The following ROBO2 variants were observed in gnomAD, a reference collection of about 807,000 sequenced individuals.
The protein encoded by ROBO2 is roundabout guidance receptor 2, also known as roundabout homolog 2.
In ROBO2, 53 loss-of-function variants were observed where a neutral mutation model predicts 160.8. The observed-to-expected ratio is 0.33, with a 90% CI of 0.26 to 0.41. The LOEUF (loss-of-function observed/expected upper bound fraction) is 0.41, where lower values mean the gene tolerates loss of function less well. Ranked by LOEUF, ROBO2 falls within the 10% of genes least tolerant of loss-of-function variation. ROBO2 has a pLI of 1.00. For synonymous variants in ROBO2, 664 were observed against 611.7 expected, an observed-to-expected ratio of 1.09 and a Z score of -1.26; for missense variants, 1,577 against 1,722.4, an observed-to-expected ratio of 0.92 and a Z score of 1.49.
At chr3:77,495,063 A>T (rs537642515) in intron 5 of ROBO2, among the ~76,000 whole-genome samples, 1 of 152,220 alleles carries the variant, frequency 6.6e-6, no homozygotes, top group African/African-American at 2.4e-5. Context: ...GAGAGTTTAC[A>T]CTATTGAATT....
chr3:75,917,909 G>T (rs1946877167), intron 1 of ROBO2, among the ~76,000 whole-genome samples: 1 of 151,700 alleles, frequency 6.6e-6, no homozygotes, highest in Non-Finnish European at 1.5e-5. Flanking sequence ...ATTTGTTTAA[G>T]TTCCTTCTAG....
chr3:76,555,213 C>T (rs571097289), intron 2 of ROBO2, among the ~76,000 whole-genome samples: 1 of 151,898 alleles, frequency 6.6e-6, no homozygotes, highest in South Asian at 2.1e-4. Context: ...TAACAATTGC[C>T]TAGTGCTTTC....
exon 26 of ROBO2, chr3:77,646,115 G>C (rs564779527): frequency 7.3e-7 from 1 of 1,367,582 alleles, no homozygotes; most frequent in African/African-American, 1.4e-5. Context: ...ACTCATGGAA[G>C]TGATGACTCT....
chr3:77,604,008 AG>A (rs2094479228), intron 20 of ROBO2: 4 of 152,302 alleles, frequency 2.6e-5, no homozygotes, highest in Middle Eastern at 3.4e-3. Flanking sequence ...CAAGCATCAA[AG>A]CCATAAAGAG....
At chr3:76,443,244 T>A (rs1013216414) in intron 2 of ROBO2, among the ~76,000 whole-genome samples, 1 of 152,074 alleles carries the variant, frequency 6.6e-6, no homozygotes, top group African/African-American at 2.4e-5. Flanking sequence ...GCAACCCCCA[T>A]GACCCAAATA....
intron 2 of ROBO2, among the ~76,000 whole-genome samples, chr3:77,011,303 T>C (rs533330907): frequency 1.3e-5 from 2 of 152,076 alleles, no homozygotes; most frequent in African/African-American, 4.8e-5. Context: ...TCCCCTATAG[T>C]AGGCCTTCAA....
At chr3:76,178,865 T>G (rs1390832473) in intron 2 of ROBO2, among the ~76,000 whole-genome samples, 1 of 151,994 alleles carries the variant, frequency 6.6e-6, no homozygotes, top group Non-Finnish European at 1.5e-5. Context: ...CGCTTGAACC[T>G]GAGAGGCGGA....
intron 2 of ROBO2, among the ~76,000 whole-genome samples, chr3:76,715,373 A>G (rs1004489302): frequency 1.3e-5 from 2 of 152,202 alleles, no homozygotes; most frequent in African/African-American, 4.8e-5. Context: ...ACATTCAACA[A>G]AGATGGACTC....
chr3:75,917,358 G>A (rs1241504370), intron 1 of ROBO2, among the ~76,000 whole-genome samples: 2 of 152,138 alleles, frequency 1.3e-5, no homozygotes, highest in Admixed American at 6.5e-5. Flanking sequence ...CCCTGCAAAG[G>A]ACATGAACTC....
chr3:77,242,206 A>G (rs1192123263), intron 2 of ROBO2, among the ~76,000 whole-genome samples: 2 of 152,130 alleles, frequency 1.3e-5, no homozygotes, highest in Non-Finnish European at 2.9e-5. Flanking sequence ...GGAAAAAAAT[A>G]ATAATAGAAT....
At chr3:76,501,397 G>T (rs1328441839) in intron 2 of ROBO2, among the ~76,000 whole-genome samples, 1 of 152,152 alleles carries the variant, frequency 6.6e-6, no homozygotes, top group Non-Finnish European at 1.5e-5. Flanking sequence ...AAGTGGAGGA[G>T]ATGAGAGGAA....
intron 2 of ROBO2, among the ~76,000 whole-genome samples, chr3:77,154,778 T>C (rs1256054004): frequency 6.6e-6 from 1 of 151,930 alleles, no homozygotes; most frequent in Non-Finnish European, 1.5e-5. Context: ...GAAAACCAAA[T>C]ACTCCATGTT....
At chr3:76,276,837 T>C (rs1235529644) in intron 2 of ROBO2, among the ~76,000 whole-genome samples, 1 of 152,000 alleles carries the variant, frequency 6.6e-6, no homozygotes, top group African/African-American at 2.4e-5. Flanking sequence ...AACAGAAATA[T>C]AACCAGAGCC....
At chr3:76,650,438 T>C (rs565873900) in intron 2 of ROBO2, among the ~76,000 whole-genome samples, 1 of 152,192 alleles carries the variant, frequency 6.6e-6, no homozygotes, top group Non-Finnish European at 1.5e-5. Context: ...CAAATAAGTT[T>C]CTTAATACTG....
At chr3:76,665,055 T>C (rs1404839885) in intron 2 of ROBO2, among the ~76,000 whole-genome samples, 1 of 152,122 alleles carries the variant, frequency 6.6e-6, no homozygotes, top group Non-Finnish European at 1.5e-5. Context: ...ACCATTTTTT[T>C]CCAATATTTT....
chr3:76,032,323 A>AT (rs201791492), intron 2 of ROBO2, among the ~76,000 whole-genome samples: 4 of 151,894 alleles, frequency 2.6e-5, no homozygotes, highest in African/African-American at 4.8e-5. Flanking sequence ...GGATTCATTG[A>AT]TTTTTTGAGG....
At chr3:77,443,309 A>C (rs1045809154) in intron 2 of ROBO2, among the ~76,000 whole-genome samples, 53 of 151,996 alleles carry the variant, frequency 3.5e-4, no homozygotes, top group African/African-American at 1.1e-3. Context: ...TTTTTTCAGA[A>C]GAGGAAATAG....
At chr3:77,254,960 C>T (rs554343209) in intron 2 of ROBO2, among the ~76,000 whole-genome samples, 1 of 152,288 alleles carries the variant, frequency 6.6e-6, no homozygotes, top group East Asian at 1.9e-4. Context: ...GCAGGTTCCT[C>T]TATCTGTCTT....
intron 2 of ROBO2, among the ~76,000 whole-genome samples, chr3:77,323,161 G>A (rs1367086205): frequency 1.3e-5 from 2 of 148,292 alleles, no homozygotes; most frequent in South Asian, 2.1e-4. Flanking sequence ...GTATCAAATA[G>A]TGTTTTATCT....
Sources: gnomAD v4.1 joint callset for allele counts (sites outside exome capture counted in the v4.1 genomes callset) on GRCh38, gnomAD v4.1.1 for gene constraint, MANE v1.5 for transcripts, NCBI Gene and HGNC (gene_info 2026-07-23, HGNC 2026-07-21) for gene names.